ROBO2: variants seen among roughly 807,000 people sequenced by gnomAD.
ROBO2 encodes the protein roundabout guidance receptor 2, also known as roundabout homolog 2.
A neutral mutation model predicts 160.8 loss-of-function variants in ROBO2; 53 were observed. The ratio of observed to expected loss-of-function variants is 0.33; its 90% CI spans 0.26 to 0.41. The LOEUF (loss-of-function observed/expected upper bound fraction) is 0.41. Among genes scored for constraint, ROBO2 ranks in the 10% least tolerant of loss-of-function variants. The probability of loss-of-function intolerance (pLI) is 1.00; values close to 1 mark genes in which losing one functional copy is unlikely to be tolerated. For missense variants in ROBO2, 1,577 were observed against 1,722.4 expected (o/e 0.92, Z 1.49); for synonymous variants, 664 against 611.7 (o/e 1.09, Z -1.26).
At chr3:76,585,673 AG>A (rs2085989907) in intron 2 of ROBO2, among the ~76,000 whole-genome samples, 1 of 152,188 alleles carries the variant, frequency 6.6e-6, no homozygotes, top group Admixed American at 6.5e-5. Flanking sequence ...TAAGAAGGGA[AG>A]GGAAGACAAG....
intron 2 of ROBO2, among the ~76,000 whole-genome samples, chr3:76,589,307 T>G (rs1272367711): frequency 1.3e-5 from 2 of 152,094 alleles, no homozygotes; most frequent in Non-Finnish European, 2.9e-5. Context: ...GCTTTTTGTT[T>G]GTTTGTTTTT....
At chr3:76,810,471 G>A (rs1016009879) in intron 2 of ROBO2, among the ~76,000 whole-genome samples, 7 of 152,210 alleles carry the variant, frequency 4.6e-5, no homozygotes, top group African/African-American at 1.4e-4. Flanking sequence ...GGGAAGGTAG[G>A]TGCACTTGAG....
chr3:77,577,081 C>T (rs911939992), intron 14 of ROBO2, among the ~76,000 whole-genome samples: 4 of 152,040 alleles, frequency 2.6e-5, no homozygotes, highest in East Asian at 1.9e-4. Context: ...AGACATACAC[C>T]GGCTCAAATT....
chr3:76,003,729 G>A (rs1354272588), intron 2 of ROBO2, among the ~76,000 whole-genome samples: 2 of 152,158 alleles, frequency 1.3e-5, no homozygotes, highest in Non-Finnish European at 2.9e-5. Flanking sequence ...ACCAGTGTTG[G>A]AATTTTAGCA....
rs944354463 is a variant in ROBO2 at position 76,646,283 on chromosome 3, G to C, written c.110-451731G>C. 1.2e-4 allele frequency among the ~76,000 whole-genome samples: 19 copies of C among 152,114 alleles called. 1 individual carries two copies. The highest frequency in any genetic ancestry group is 1.0e-3 in the Admixed American group (16 of 15,258). On this transcript the variant is annotated intron_variant, in intron 2 of 26. Transcript: ENST00000487694. ...GATTTCTTGTCTGTGGAAGAGTGAC[G>C]GGAAAGAAAGCCAACGCCGATGCAG...
At chr3:76,365,546 C>A (rs1461195617) in intron 2 of ROBO2, among the ~76,000 whole-genome samples, 1 of 152,020 alleles carries the variant, frequency 6.6e-6, no homozygotes, top group Non-Finnish European at 1.5e-5. Context: ...CCTTGAAAGA[C>A]ATGCAAGACT....
rs759616902 is a variant in ROBO2, at chr3:77,008,698, G to A, written c.110-89316G>A. On this transcript the variant is annotated intron_variant, in intron 2 of 26. Coordinates refer to the ROBO2 transcript ENST00000487694. The stretch of plus-strand genomic sequence containing the variant: ...ACGCACCTGAAAGATCGGGGTTAGA[G>A]ATATAGAATTGGAAAACATCTGTCA... 7.2e-5 allele frequency among the ~76,000 whole-genome samples: 11 copies of A among 152,264 alleles called. No homozygotes were observed. The East Asian group carries it at 1.9e-3, about 27-fold the overall frequency.
intron 1 of ROBO2, among the ~76,000 whole-genome samples, chr3:77,086,334 T>A (rs2069304356): frequency 6.6e-6 from 1 of 152,106 alleles, no homozygotes; most frequent in Admixed American, 6.6e-5. Flanking sequence ...TCAGCAATGT[T>A]ATTCGACTGA....
chr3:76,448,970 G>C (rs891500346), intron 2 of ROBO2, among the ~76,000 whole-genome samples: 2 of 130,144 alleles, frequency 1.5e-5, no homozygotes, highest in Non-Finnish European at 3.2e-5. Context: ...TTCCATACAA[G>C]GGATACATTC....
At chr3:77,413,994 T>C (rs1277157306) in intron 2 of ROBO2, among the ~76,000 whole-genome samples, 1 of 152,028 alleles carries the variant, frequency 6.6e-6, no homozygotes, top group African/African-American at 2.4e-5. Flanking sequence ...AGTCTACAGA[T>C]GGAGTCTGTG....
chr3:76,858,487 C>T (rs1292699635), intron 2 of ROBO2, among the ~76,000 whole-genome samples: 1 of 152,194 alleles, frequency 6.6e-6, no homozygotes, highest in Non-Finnish European at 1.5e-5. Flanking sequence ...TGGTCTCAAA[C>T]TCCTGAGCTC....
chr3:76,384,978 A>C (rs964834612), intron 2 of ROBO2, among the ~76,000 whole-genome samples: 25 of 152,142 alleles, frequency 1.6e-4, no homozygotes, highest in Admixed American at 1.0e-3. Flanking sequence ...TTGTCCGCAA[A>C]GTGTCTTTTG....
chr3:76,996,507 AT>A (rs1385457831), intron 2 of ROBO2, among the ~76,000 whole-genome samples: 1 of 152,122 alleles, frequency 6.6e-6, no homozygotes, highest in Non-Finnish European at 1.5e-5. Context: ...TGGTAGCTTG[AT>A]GGGGATGGCA....
intron 2 of ROBO2, among the ~76,000 whole-genome samples, chr3:76,234,390 A>G (rs1704808360): frequency 6.6e-6 from 1 of 152,172 alleles, no homozygotes; most frequent in Non-Finnish European, 1.5e-5. Flanking sequence ...GCTTTCCACA[A>G]TAGCTGAACT....
intron 1 of ROBO2, among the ~76,000 whole-genome samples, chr3:75,924,989 G>A (rs1374505366): frequency 6.6e-6 from 1 of 151,912 alleles, no homozygotes; most frequent in South Asian, 2.1e-4. Flanking sequence ...CGCCGGCCGG[G>A]AATTTATTTT....
At chr3:76,234,504 C>G (rs149878952) in intron 2 of ROBO2, among the ~76,000 whole-genome samples, 1 of 152,096 alleles carries the variant, frequency 6.6e-6, no homozygotes, top group Non-Finnish European at 1.5e-5. Flanking sequence ...TCACCAGCAG[C>G]GTAAAAGTGT....
chr3:75,986,187 T>G (rs1035368439), intron 2 of ROBO2, among the ~76,000 whole-genome samples: 3 of 149,932 alleles, frequency 2.0e-5, no homozygotes, highest in Admixed American at 1.4e-4. Flanking sequence ...TTTCCCACAT[T>G]CTTGCCAACA....
intron 2 of ROBO2, among the ~76,000 whole-genome samples, chr3:76,928,880 C>A (rs1205051681): frequency 1.3e-5 from 2 of 152,182 alleles, no homozygotes; most frequent in Non-Finnish European, 2.9e-5. Context: ...AATCTCCAAT[C>A]TCTGGCCAGA....
intron 2 of ROBO2, among the ~76,000 whole-genome samples, chr3:76,014,956 C>T (rs1490739785): frequency 6.6e-6 from 1 of 152,078 alleles, no homozygotes; most frequent in Non-Finnish European, 1.5e-5. Flanking sequence ...GACATACATA[C>T]ATACATAAAA....
Sources: allele counts gnomAD v4.1 joint callset (sites outside exome capture counted in the v4.1 genomes callset), GRCh38; gene constraint gnomAD v4.1.1; transcripts MANE v1.5; gene names NCBI Gene and HGNC (gene_info 2026-07-23, HGNC 2026-07-21).